Variants in RNF20 observed in about 807,000 individuals in gnomAD.
The protein encoded by RNF20 is E3 ubiquitin-protein ligase BRE1A.
In RNF20, 84 loss-of-function variants were observed where a neutral mutation model predicts 126.2. The ratio of observed to expected loss-of-function variants is 0.67; its 90% CI spans 0.56 to 0.80. The LOEUF is 0.80. Among genes scored for constraint, RNF20 ranks in the 30% least tolerant of loss-of-function variants. The probability of loss-of-function intolerance (pLI) is 0.00; values close to 1 mark genes in which losing one functional copy is unlikely to be tolerated. For missense variants in RNF20, 869 were observed against 1,188.2 expected (o/e 0.73, Z 3.95); for synonymous variants, 400 against 414.3 (o/e 0.97, Z 0.42).
chr9:101,554,625 A>G, intron 14 of RNF20, 69 bp from the exon 15 acceptor site: 1 of 1,342,374 alleles, frequency 7.4e-7, no homozygotes, highest in Admixed American at 2.0e-5. Flanking sequence ...CTATCTTTGC[A>G]CAGTATTAAT....
In RNF20 at chr9:101,550,514, T is replaced by A; in HGVS notation, c.1093-92T>A. On this transcript the variant is annotated intron_variant, in intron 9 of 19. Transcript: ENST00000389120. The stretch of plus-strand genomic sequence containing the variant: ...TCTTTATAAAATTGTCTCTCTTGTG[T>A]AGGACATCAGTGAGTTCAAAATTTT... 5.1e-6 allele frequency: 5 copies of A among 980,944 alleles called. No homozygotes were observed. In the South Asian group the frequency reaches 7.8e-5, roughly 15 times the overall value. The allele number at this position is 980,944 out of a possible 1,614,324, so 60.8% of individuals were successfully genotyped here.
At chr9:101,555,928 A>C (rs980919129) in intron 15 of RNF20, among the ~76,000 whole-genome samples, 7 of 151,936 alleles carry the variant, frequency 4.6e-5, no homozygotes, top group African/African-American at 1.7e-4. Context: ...ATTGCACTCC[A>C]GCCTGGGCAA....
At chr9:101,560,521 G>A (rs1827608607) in intron 16 of RNF20, among the ~76,000 whole-genome samples, 1 of 152,116 alleles carries the variant, frequency 6.6e-6, no homozygotes. Flanking sequence ...GAATTGCCAG[G>A]TTTTAAGCAT....
At chr9:101,550,576 G>A in intron 9 of RNF20, 30 bp from the exon 10 acceptor site, 1 of 1,599,840 alleles carries the variant, frequency 6.3e-7, no homozygotes, top group Middle Eastern at 1.8e-4. Context: ...GCTAGATTCT[G>A]CTTCTGACTT....
intron 10 of RNF20, 63 bp downstream of exon 10, chr9:101,550,848 C>G: frequency 2.1e-6 from 3 of 1,404,312 alleles, no homozygotes; most frequent in Middle Eastern, 1.8e-4. Flanking sequence ...TACAATTTTA[C>G]TCCCTCATGT....
chr9:101,540,828 A>T lies in RNF20; in HGVS notation c.481A>T (p.Thr161Ser), dbSNP rs1267451375. The change falls in exon 5 of 20, where the codon ACT (threonine) becomes TCT (serine). Residue 161 changes from threonine (T) to serine (S), a missense_variant. Thr to Ser is a moderately conservative substitution (Grantham distance 58). Transcript: ENST00000389120. ...GQEPAFSFLA[T>S]LASSSSEEME... ...AGAGCCAGCTTTCTCTTTCCTTGCT[A>T]CTTTGGCCAGCAGTTCCAGTGAAGA... 3 of 1,613,662 alleles carry T rather than the reference A, an allele frequency of 1.9e-6. No homozygotes were observed. The highest frequency in any genetic ancestry group is 2.5e-6 in the Non-Finnish European group (3 of 1,179,932).
At chr9:101,561,414 T>C in intron 18 of RNF20, 184 bp downstream of exon 18, 1 of 588,910 alleles carries the variant, frequency 1.7e-6, no homozygotes, top group East Asian at 2.9e-5. Flanking sequence ...TTATGGTGCC[T>C]TGCACCTAGT....
chr9:101,541,266 T>G (rs933377831), intron 5 of RNF20, among the ~76,000 whole-genome samples: 2 of 152,276 alleles, frequency 1.3e-5, no homozygotes, highest in South Asian at 4.1e-4. Context: ...AGAGGAAGTC[T>G]TGCTATGTTG....
At chr9:101,547,546 A>G in intron 9 of RNF20, 28 bp downstream of exon 9, 11 of 1,613,024 alleles carry the variant, frequency 6.8e-6, no homozygotes, top group Non-Finnish European at 8.5e-6. Context: ...AAGGGCAGTA[A>G]AATCAGACGT....
At position 101,535,446 on chromosome 9, in the gene RNF20, G is replaced by A; in HGVS notation, c.23G>A (p.Arg8Lys). ...AAAATGTCAGGAATTGGAAATAAAA[G>A]AGCAGCTGGAGAACCTGGCACCTCC... Reference protein sequence around the residue: MSGIGNKRAAGEPGTSMP... With the variant: MSGIGNKKAAGEPGTSMP... The change falls in exon 2 of 20, where the codon AGA becomes AAA. Residue 8 changes from arginine to lysine, a missense_variant. By Grantham distance (26) the Arg-to-Lys change is conservative (BLOSUM62 2). Transcript: ENST00000389120. 1.2e-6 allele frequency: 2 copies of A among 1,613,370 alleles called. No individual in the cohort carries two copies. Among genetic ancestry groups the A allele is most frequent in the South Asian group, 1.1e-5 (1 of 90,814 alleles).
intron 9 of RNF20, among the ~76,000 whole-genome samples, chr9:101,549,653 G>A (rs1264286859): frequency 7.2e-5 from 11 of 151,966 alleles, no homozygotes; most frequent in Non-Finnish European, 1.6e-4. Flanking sequence ...GCTAGACCAC[G>A]GTCCACCTGG....
At chr9:101,536,345 T>G (rs977476178) in intron 2 of RNF20, among the ~76,000 whole-genome samples, 2 of 152,238 alleles carry the variant, frequency 1.3e-5, no homozygotes, top group African/African-American at 2.4e-5. Context: ...GTTTTACATT[T>G]TGTAAAATGC....
Position 101,536,422 on chromosome 9 carries a change from TAGAG to T in RNF20, c.129+873_129+876del, listed in dbSNP as rs982569277. 4.5e-4 allele frequency among the ~76,000 whole-genome samples: 69 copies of T among 152,302 alleles called. 1 individual carries two copies. Among genetic ancestry groups the T allele is most frequent in the African/African-American group, 1.6e-3 (65 of 41,568 alleles). On this transcript the variant is annotated intron_variant, in intron 2 of 19. Transcript: ENST00000389120. ...TTGATTTTGAGGCTGAGGTTTATTT[TAGAG>T]AGGCTGATTTTTTTTTTTGAGTCAG...
chr9:101,539,148 G>A (rs1827224183), intron 2 of RNF20, among the ~76,000 whole-genome samples: 1 of 152,202 alleles, frequency 6.6e-6, no homozygotes, highest in Non-Finnish European at 1.5e-5. Context: ...GATGTAAAAG[G>A]GGGCAGGGTT....
rs1396067352 is a variant in RNF20 at position 101,562,273 on chromosome 9, A to G, written c.2779A>G (p.Met927Val). 6.2e-7 allele frequency: 1 copy of G among 1,613,940 alleles called. No homozygotes were observed. ...ACGCTTGACCTGTCCGTGCTGTAAC[A>G]TGCGTAAAAAGGATGCTGTTCTTAC... is the stretch of plus-strand genomic sequence containing the variant. ...KARLTCPCCN[M>V]RKKDAVLTKC... Residue 927 changes from methionine to valine, a missense_variant, in exon 20 of 20, where the codon ATG becomes GTG. Transcript: ENST00000389120.
Position 101,547,135 on chromosome 9 carries a change from A to G in RNF20, c.895-2A>G. On this transcript the variant is annotated splice_acceptor_variant, in intron 7 of 19. Coordinates refer to ENST00000389120, the MANE Select transcript of RNF20 (RefSeq NM_019592.7). LOFTEE classifies it high-confidence loss of function. ...ACTAAAGAATCTTTGTGTTCTCTGT[A>G]GGTGAATTCCAAAGGTTATAAGGTG... 1.2e-6 allele frequency: 2 copies of G among 1,613,848 alleles called. No homozygotes were observed. The highest frequency in any genetic ancestry group is 1.7e-6 in the Non-Finnish European group (2 of 1,179,722).
chr9:101,548,665 C>T (rs1316498327), intron 9 of RNF20, among the ~76,000 whole-genome samples: 2 of 152,160 alleles, frequency 1.3e-5, no homozygotes, highest in East Asian at 3.8e-4. Flanking sequence ...GATATATCTA[C>T]TTCTTTACTT....
At chr9:101,550,904 T>A in intron 10 of RNF20, 119 bp downstream of exon 10, 1 of 940,366 alleles carries the variant, frequency 1.1e-6, no homozygotes, top group Non-Finnish European at 1.7e-6. Flanking sequence ...AGAGTGGCAG[T>A]AGGTCTTTAC....
chr9:101,544,766 G>C lies in RNF20; in HGVS notation c.629-1G>C. The stretch of plus-strand genomic sequence containing the variant: ...ATTAAAGTATAGTTCTTCTTCCCCA[G>C]ATAATCTGATAGTGGAGGAAGCAGT... On this transcript the variant is annotated splice_acceptor_variant, in intron 5 of 19. Coordinates refer to ENST00000389120, the MANE Select transcript of RNF20 (RefSeq NM_019592.7). LOFTEE classifies it high-confidence loss of function. 1.3e-6 allele frequency: 2 copies of C among 1,576,734 alleles called. No individual in the cohort carries two copies. Among genetic ancestry groups the C allele is most frequent in the Non-Finnish European group, 1.7e-6 (2 of 1,146,260 alleles).
Sources: gnomAD v4.1 joint callset for allele counts (sites outside exome capture counted in the v4.1 genomes callset) on GRCh38, gnomAD v4.1.1 for gene constraint, MANE v1.5 for transcripts, NCBI Gene and HGNC (gene_info 2026-07-23, HGNC 2026-07-21) for gene names.